Variants in AHCYL2 observed in about 807,000 individuals in gnomAD.
AHCYL2 encodes the protein adenosylhomocysteinase like 2, also known as S-adenosylhomocysteine hydrolase-like protein 2.
A neutral mutation model predicts 81.4 loss-of-function variants in AHCYL2; 28 were observed. The observed-to-expected ratio is 0.34, with a 90% CI of 0.25 to 0.47. The LOEUF (loss-of-function observed/expected upper bound fraction) is 0.47, where lower values mean the gene tolerates loss of function less well. Ranked by LOEUF, AHCYL2 falls within the 20% of genes least tolerant of loss-of-function variation. AHCYL2 has a pLI of 1.00. For synonymous variants in AHCYL2, 272 were observed against 290.2 expected, an observed-to-expected ratio of 0.94 and a Z score of 0.64; for missense variants, 551 against 785.1, an observed-to-expected ratio of 0.70 and a Z score of 3.56.
chr7:129,375,330 A>T (rs1054383655), intron 1 of AHCYL2, among the ~76,000 whole-genome samples: 2 of 136,634 alleles, frequency 1.5e-5, no homozygotes, highest in Non-Finnish European at 3.2e-5. Flanking sequence ...TGGCACCATT[A>T]ATTTTTTTTT....
Position 129,406,773 on chromosome 7 carries a change from A to G in AHCYL2, c.1295+307A>G, listed in dbSNP as rs1796327036. Among the ~76,000 whole-genome samples the G allele has an allele frequency of 6.6e-6, 1 of 152,232 alleles. No individual in the cohort carries two copies. The highest frequency in any genetic ancestry group is 2.4e-5 in the African/African-American group (1 of 41,466). On this transcript the variant is annotated intron_variant, in intron 10 of 16. Coordinates refer to ENST00000325006, the MANE Select transcript of AHCYL2 (RefSeq NM_015328.4). The surrounding 1 kb of genome is among the most constrained non-coding windows in gnomAD (Gnocchi z 4.3). ...AATAATGATCAGAAAAGAAATTGGC[A>G]GGCATCAGATGCCTTCTGATGTGTT... is the stretch of plus-strand genomic sequence containing the variant.
intron 1 of AHCYL2, among the ~76,000 whole-genome samples, chr7:129,254,779 T>G (rs963210208): frequency 3.9e-5 from 6 of 152,198 alleles, no homozygotes; most frequent in Non-Finnish European, 8.8e-5. Context: ...AAGGCACCTT[T>G]ATAGCTACCT....
chr7:129,255,063 C>T (rs1261872041), intron 1 of AHCYL2, among the ~76,000 whole-genome samples: 2 of 152,138 alleles, frequency 1.3e-5, no homozygotes, highest in African/African-American at 4.8e-5. Flanking sequence ...GAGTTCGAGA[C>T]TAGCCTTACC....
chr7:129,292,419 A>G (rs991547416), intron 1 of AHCYL2, among the ~76,000 whole-genome samples: 2 of 152,232 alleles, frequency 1.3e-5, no homozygotes, highest in Non-Finnish European at 2.9e-5. Flanking sequence ...GACTAGGGCT[A>G]TATATCATTC....
chr7:129,263,595 C>G (rs1795717486), intron 1 of AHCYL2, among the ~76,000 whole-genome samples: 1 of 152,212 alleles, frequency 6.6e-6, no homozygotes, highest in African/African-American at 2.4e-5. Flanking sequence ...AAACGAGAGA[C>G]AAGAAAATGT....
At chr7:129,275,846 C>T (rs896808993) in intron 1 of AHCYL2, among the ~76,000 whole-genome samples, 2 of 152,010 alleles carry the variant, frequency 1.3e-5, no homozygotes, top group African/African-American at 4.8e-5. Flanking sequence ...ACAAAAACAA[C>T]TTGAGAAGAT....
intron 1 of AHCYL2, among the ~76,000 whole-genome samples, chr7:129,356,891 T>G (rs1030389906): frequency 1.3e-5 from 2 of 152,230 alleles, no homozygotes; most frequent in African/African-American, 4.8e-5. Context: ...GCAAGGTATT[T>G]AGTTTCTCTA....
chr7:129,387,319 A>G (rs777426171), intron 2 of AHCYL2, among the ~76,000 whole-genome samples: 22 of 152,260 alleles, frequency 1.4e-4, no homozygotes, highest in Non-Finnish European at 2.5e-4. Context: ...CTAAAATTTG[A>G]ATAAACACCT....
At chr7:129,340,922 A>G (rs1229487083) in intron 1 of AHCYL2, among the ~76,000 whole-genome samples, 3 of 152,036 alleles carry the variant, frequency 2.0e-5, no homozygotes, top group Non-Finnish European at 4.4e-5. Context: ...TCATGAGCTC[A>G]TATTTTGTAT....
intron 1 of AHCYL2, among the ~76,000 whole-genome samples, chr7:129,236,399 C>T (rs546414796): frequency 2.6e-5 from 4 of 152,112 alleles, no homozygotes; most frequent in South Asian, 2.1e-4. Context: ...CGAGGTTTCA[C>T]GGTGTTGCCC....
intron 1 of AHCYL2, among the ~76,000 whole-genome samples, chr7:129,363,233 G>A (rs1793995935): frequency 6.6e-6 from 1 of 152,138 alleles, no homozygotes; most frequent in Admixed American, 6.5e-5. Context: ...ATATGCAGTG[G>A]TCTCACTCCT....
chr7:129,404,046 C>G (rs936324409), intron 7 of AHCYL2, among the ~76,000 whole-genome samples: 1 of 150,870 alleles, frequency 6.6e-6, no homozygotes, highest in African/African-American at 2.4e-5. Context: ...GGTGGGAGAA[C>G]AAGTGAAGTC....
intron 2 of AHCYL2, among the ~76,000 whole-genome samples, chr7:129,384,935 C>G (rs968843722): frequency 1.3e-5 from 2 of 152,212 alleles, no homozygotes; most frequent in African/African-American, 2.4e-5. Flanking sequence ...TTATAAGAAG[C>G]AAACTTCTAA....
chr7:129,335,373 T>TAA (rs757453356), intron 1 of AHCYL2, among the ~76,000 whole-genome samples: 2 of 123,150 alleles, frequency 1.6e-5, no homozygotes, highest in Admixed American at 8.3e-5. Context: ...AGACCCTGTC[T>TAA]AAAAAAAAAA....
intron 11 of AHCYL2, among the ~76,000 whole-genome samples, chr7:129,410,564 C>T (rs1796518430): frequency 6.6e-6 from 1 of 152,188 alleles, no homozygotes; most frequent in African/African-American, 2.4e-5. Flanking sequence ...GAAGCCAGAT[C>T]TTAAATGTAC....
At chr7:129,409,601 G>A (rs1352424740) in intron 11 of AHCYL2, 55 bp downstream of exon 11, 2 of 1,410,852 alleles carry the variant, frequency 1.4e-6, no homozygotes, top group South Asian at 1.2e-5. Flanking sequence ...TTATGGAGCA[G>A]GTGCAAGATG....
intron 4 of AHCYL2, among the ~76,000 whole-genome samples, chr7:129,390,162 A>G (rs533261468): frequency 6.6e-6 from 1 of 152,368 alleles, no homozygotes; most frequent in Non-Finnish European, 1.5e-5. Flanking sequence ...CTGCTTCCTG[A>G]GGATTTGACC....
intron 4 of AHCYL2, among the ~76,000 whole-genome samples, chr7:129,390,579 A>G (rs979781669): frequency 9.2e-5 from 14 of 152,366 alleles, no homozygotes; most frequent in Non-Finnish European, 1.9e-4. Context: ...CTTCAGATGC[A>G]GGATCTCAGG....
At chr7:129,370,363 CA>C (rs2150859535) in intron 1 of AHCYL2, among the ~76,000 whole-genome samples, 1 of 151,414 alleles carries the variant, frequency 6.6e-6, no homozygotes, top group Non-Finnish European at 1.5e-5. Flanking sequence ...TAATAAAACA[CA>C]GCTCTTTAGT....
Sources: gnomAD v4.1 joint callset for allele counts (sites outside exome capture counted in the v4.1 genomes callset) on GRCh38, gnomAD v4.1.1 for gene constraint, Gnocchi (gnomAD v3.1) non-coding constraint, MANE v1.5 for transcripts, NCBI Gene and HGNC (gene_info 2026-07-23, HGNC 2026-07-21) for gene names.